The following RPS24 variants were observed in gnomAD, a reference collection of about 807,000 sequenced individuals.
RPS24 encodes the protein ribosomal protein S24.
For synonymous variants in RPS24, 72 were observed against 55.6 expected (o/e 1.30, Z -1.31); for missense variants, 100 against 162.5 (o/e 0.62, Z 2.09).
downstream of RPS24, among the ~76,000 whole-genome samples, chr10:78,041,089 C>T (rs1354102176): frequency 2.0e-5 from 3 of 152,062 alleles, no homozygotes; most frequent in South Asian, 4.2e-4. Context: ...ATCCTCCTAC[C>T]TTGGCCACAT....
chr10:78,037,986 C>CTGAGAT lies in RPS24; in HGVS notation c.390+685_390+690dup. On this transcript the variant is annotated intron_variant, in intron 4 of 5. Coordinates refer to ENST00000372360, the MANE Select transcript of RPS24 (RefSeq NM_033022.4). Reference sequence around the variant, plus strand: ...TCAGAAATGAAGTGTCTAGCAGGTACTGAGATTGTAAGCACGGTGTGGGGA... The same window carrying CTGAGAT: ...TCAGAAATGAAGTGTCTAGCAGGTACTGAGATTGAGATTGTAAGCACGGTGTGGGGA... 1.6e-5 allele frequency: 20 copies of CTGAGAT among 1,276,356 alleles called. 1 individual carries two copies. Among genetic ancestry groups the CTGAGAT allele is most frequent in the Middle Eastern group, 4.4e-4 (2 of 4,570 alleles). 79.1% of individuals were successfully genotyped at this position (1,276,356 alleles called of 1,614,324 possible). A position where few individuals can be genotyped will look rare whatever the true frequency, so the allele number is the denominator to read the frequency against.
chr10:78,040,687 TA>T lies in RPS24; in HGVS notation c.*97del. 1 of 1,613,246 alleles carries T rather than the reference TA, an allele frequency of 6.2e-7. No individual in the cohort carries two copies. The highest frequency in any genetic ancestry group is 2.2e-5 in the East Asian group (1 of 44,876). On this transcript the variant is annotated 3_prime_UTR_variant, in exon 6 of 6. Coordinates refer to ENST00000372360, the MANE Select transcript of RPS24 (RefSeq NM_033022.4). ...ATTTTTCGCAAGAACATTAATAAAC[TA>T]AAAACTTCATGTGTCTGGTTGTTTG...
At chr10:78,039,874 C>CAGAG in intron 4 of RPS24, 1 of 407,566 alleles carries the variant, frequency 2.5e-6, no homozygotes, top group African/African-American at 2.0e-5. Context: ...AGCAGAGGGG[C>CAGAG]AGAGGCTCAG....
rs147307190 is a variant in RPS24 at position 78,036,615 on chromosome 10, A to G, written c.280-579A>G. 938 of 155,308 alleles carry G rather than the reference A, an allele frequency of 6.0e-3. 12 individuals are homozygous for G. The highest frequency in any genetic ancestry group is 0.022 in the African/African-American group (900 of 41,566). The allele number at this position is 155,308 out of a possible 1,614,324, so 9.6% of individuals were successfully genotyped here. On this transcript the variant is annotated intron_variant, in intron 3 of 5. Coordinates refer to ENST00000372360, the MANE Select transcript of RPS24 (RefSeq NM_033022.4). ...CACCGTGCCCAGCTGAGGCTGCACT[A>G]TTTTTAACTGACGTTCGGTCATGTT... is the stretch of plus-strand genomic sequence containing the variant.
chr10:78,055,224 C>T, exon 5 of RPS24: 1 of 614,798 alleles, frequency 1.6e-6, no homozygotes, highest in East Asian at 3.4e-5. Context: ...ACTGGCCTCC[C>T]ACCACCTTCC....
intron 4 of RPS24, among the ~76,000 whole-genome samples, chr10:78,050,207 C>T (rs1358618450): frequency 6.6e-6 from 1 of 152,142 alleles, no homozygotes; most frequent in Non-Finnish European, 1.5e-5. Context: ...CCCTTTCTGC[C>T]CCATGGCTGC....
At chr10:78,053,186 C>CAACA (rs1554843552) in intron 4 of RPS24, among the ~76,000 whole-genome samples, 2 of 140,984 alleles carry the variant, frequency 1.4e-5, no homozygotes, top group Non-Finnish European at 1.5e-5. Flanking sequence ...ACAACAACAA[C>CAACA]AAAAAAAAAA....
chr10:78,046,266 A>G (rs537353885), intron 4 of RPS24, among the ~76,000 whole-genome samples: 2 of 152,162 alleles, frequency 1.3e-5, no homozygotes, highest in Admixed American at 1.3e-4. Context: ...TTGCTAATTA[A>G]TGACCACAGA....
At chr10:78,055,272 C>G (rs1848139810) in exon 5 of RPS24, 1 of 396,584 alleles carries the variant, frequency 2.5e-6, no homozygotes, top group African/African-American at 2.1e-5. Context: ...GGCTTTCCTT[C>G]CTAGTTTTAA....
In RPS24 at chr10:78,039,961, C is replaced by T. The variant is rs57278154; in HGVS notation, c.391-243C>T. 1.4e-3 allele frequency: 823 copies of T among 583,520 alleles called. 5 individuals carry two copies. The highest frequency in any genetic ancestry group is 0.012 in the African/African-American group (659 of 53,704). 36.1% of individuals were successfully genotyped at this position (583,520 alleles called of 1,614,324 possible). A position where few individuals can be genotyped will look rare whatever the true frequency, so the allele number is the denominator to read the frequency against. ...TTAATGATCTCTTCATTGTGAAGTC[C>T]GGCTACCTCGTTTGCATAAGAACTA... On this transcript the variant is annotated intron_variant, in intron 4 of 5. Coordinates refer to ENST00000372360, the MANE Select transcript of RPS24 (RefSeq NM_033022.4).
downstream of RPS24, among the ~76,000 whole-genome samples, chr10:78,042,983 A>G (rs558954347): frequency 3.4e-5 from 5 of 146,994 alleles, no homozygotes; most frequent in South Asian, 2.2e-4. Flanking sequence ...AACGATCTCC[A>G]TTAATCTGCG....
intron 2 of RPS24, 28 bp downstream of exon 2, chr10:78,035,445 T>A: frequency 6.2e-7 from 1 of 1,613,402 alleles, no homozygotes; most frequent in Non-Finnish European, 8.5e-7. Flanking sequence ...AATCTTTGCT[T>A]AATTGTCCTT....
chr10:78,034,913 AC>A (rs1847829237), intron 1 of RPS24, among the ~76,000 whole-genome samples: 1 of 152,226 alleles, frequency 6.6e-6, no homozygotes, highest in African/African-American at 2.4e-5. Flanking sequence ...TCCTAAGGGA[AC>A]AGTTGGCTAA....
At chr10:78,050,544 T>C (rs1469756859) in intron 4 of RPS24, among the ~76,000 whole-genome samples, 1 of 152,230 alleles carries the variant, frequency 6.6e-6, no homozygotes. Context: ...TATTCACCCT[T>C]GTAAAGTGTG....
chr10:78,037,921 T>C, intron 4 of RPS24: 1 of 1,027,144 alleles, frequency 9.7e-7, no homozygotes. Flanking sequence ...TTTTTTTTTT[T>C]TTTTGCTTTT....
At chr10:78,051,071 T>C (rs1420345826) in intron 4 of RPS24, among the ~76,000 whole-genome samples, 1 of 152,132 alleles carries the variant, frequency 6.6e-6, no homozygotes, top group Non-Finnish European at 1.5e-5. Context: ...GCACCTGTAA[T>C]CCCAGCTACT....
At chr10:78,039,345 G>T (rs1199711775) in intron 4 of RPS24, 1 of 152,184 alleles carries the variant, frequency 6.6e-6, no homozygotes, top group East Asian at 1.9e-4. Flanking sequence ...ATGAGTTAGT[G>T]CCCTTAGCCT....
At chr10:78,035,815 T>G in intron 3 of RPS24, 95 bp downstream of exon 3, 1 of 963,186 alleles carries the variant, frequency 1.0e-6, no homozygotes, top group African/African-American at 1.6e-5. Flanking sequence ...GACCAAGCAA[T>G]CTGGGATACA....
downstream of RPS24, among the ~76,000 whole-genome samples, chr10:78,042,163 T>A (rs985321547): frequency 3.3e-5 from 5 of 152,250 alleles, no homozygotes; most frequent in Non-Finnish European, 7.3e-5. Context: ...CCCACCTTCC[T>A]GTTTGATAAC....
Sources: allele counts gnomAD v4.1 joint callset (sites outside exome capture counted in the v4.1 genomes callset), GRCh38; gene constraint gnomAD v4.1.1; transcripts MANE v1.5; gene names NCBI Gene and HGNC (gene_info 2026-07-23, HGNC 2026-07-21).